Variants in ITGB3 observed in about 807,000 individuals in gnomAD.
ITGB3 encodes the protein integrin subunit beta 3, also known as integrin beta-3.
In ITGB3, 48 loss-of-function variants were observed where a neutral mutation model predicts 85.8. The ratio of observed to expected loss-of-function variants is 0.56; its 90% CI spans 0.44 to 0.71. The LOEUF is 0.71. ITGB3 is among the 30% of genes least tolerant of loss of function. ITGB3 has a pLI of 0.00. For synonymous variants in ITGB3, 363 were observed against 395.6 expected, an observed-to-expected ratio of 0.92 and a Z score of 0.98; for missense variants, 861 against 1,019.1, an observed-to-expected ratio of 0.84 and a Z score of 2.11.
At chr17:47,268,289 A>G (rs2065032690) in intron 1 of ITGB3, among the ~76,000 whole-genome samples, 1 of 152,202 alleles carries the variant, frequency 6.6e-6, no homozygotes, top group South Asian at 2.1e-4. Context: ...TCACATTTCA[A>G]AACACAATCA....
rs115036671 is a variant in ITGB3 at position 47,254,718 on chromosome 17, C to T, written c.79+778C>T. 8.7e-3 allele frequency among the ~76,000 whole-genome samples: 1,323 copies of T among 152,270 alleles called. 16 individuals are homozygous for T. The highest frequency in any genetic ancestry group is 0.03 in the African/African-American group (1,247 of 41,562). On this transcript the variant is annotated intron_variant, in intron 1 of 14. Transcript: ENST00000559488. ...CACCGTCAGCCGTCAGGGCAATTGG[C>T]ATTCGGCCTCTTTGGTACTGGGGAC...
intron 3 of ITGB3, 61 bp downstream of exon 3, chr17:47,283,610 G>A (rs1052041722): frequency 6.7e-7 from 1 of 1,496,254 alleles, no homozygotes; most frequent in Non-Finnish European, 9.3e-7. Flanking sequence ...GCACAAGGTG[G>A]AGGTCTGAGG....
chr17:47,272,662 A>ATCTTTCT (rs1406132584), intron 1 of ITGB3, among the ~76,000 whole-genome samples: 287 of 116,810 alleles, frequency 2.5e-3, no homozygotes, highest in Middle Eastern at 9.3e-3. Flanking sequence ...AATTTTATGT[A>ATCTTTCT]ATCTTTCTTT....
Position 47,287,210 on chromosome 17 carries a change from T to A in ITGB3, c.918T>A (p.His306Gln). 1 of 1,613,966 alleles carries A rather than the reference T, an allele frequency of 6.2e-7. No homozygotes were observed. The highest frequency in any genetic ancestry group is 8.5e-7 in the Non-Finnish European group (1 of 1,179,866). Residue 306 changes from histidine to glutamine, a missense_variant, in exon 6 of 15, where the codon CAT (histidine) becomes CAA (glutamine). Coordinates refer to ENST00000559488, the MANE Select transcript of ITGB3 (RefSeq NM_000212.3). ...DGQCHVGSDN[H>Q]YSASTTMDYP... The stretch of plus-strand genomic sequence containing the variant: ...AGTGTCATGTTGGTAGTGACAATCA[T>A]TACTCTGCCTCCACTACCATGGTGA...
chr17:47,304,445 A>G (rs1281197059), intron 13 of ITGB3, among the ~76,000 whole-genome samples: 1 of 152,256 alleles, frequency 6.6e-6, no homozygotes, highest in African/African-American at 2.4e-5. Flanking sequence ...ACCACATGGA[A>G]TGGGCTCTTG....
In ITGB3 at chr17:47,300,601, T is replaced by C. The variant is rs1455011437; in HGVS notation, c.2014+23T>C. The stretch of plus-strand genomic sequence containing the variant: ...TTAGTAAGTTCAGCACATCTTAGAG[T>C]TGCACACACCCAGGTTCTAAATGTT... On this transcript the variant is annotated intron_variant, in intron 12 of 14. Transcript: ENST00000559488. 3 of 1,543,450 alleles carry C rather than the reference T, an allele frequency of 1.9e-6. No individual in the cohort carries two copies. The East Asian group carries it at 6.7e-5, about 35-fold the overall frequency.
At chr17:47,302,663 T>A (rs145843716) in intron 12 of ITGB3, 58 bp from the exon 13 acceptor site, 2 of 1,605,644 alleles carry the variant, frequency 1.2e-6, no homozygotes, top group African/African-American at 2.7e-5. Context: ...GGGTTTGGAG[T>A]GGTCCCATCT....
intron 4 of ITGB3, among the ~76,000 whole-genome samples, chr17:47,285,923 T>C (rs1284363746): frequency 4.6e-5 from 7 of 152,214 alleles, no homozygotes; most frequent in Non-Finnish European, 8.8e-5. Context: ...ACAACTCTTA[T>C]GGGATATGTG....
intron 1 of ITGB3, among the ~76,000 whole-genome samples, chr17:47,267,049 C>A (rs944525458): frequency 4.6e-5 from 7 of 152,150 alleles, no homozygotes; most frequent in Non-Finnish European, 1.0e-4. Flanking sequence ...AAAGTATTCA[C>A]CTGCCCTAAA....
intron 1 of ITGB3, among the ~76,000 whole-genome samples, chr17:47,272,162 TCTC>T (rs781384994): frequency 6.7e-6 from 1 of 149,180 alleles, no homozygotes; most frequent in Non-Finnish European, 1.5e-5. Flanking sequence ...TTCATGCCAT[TCTC>T]CTGCCTCAGC....
intron 1 of ITGB3, among the ~76,000 whole-genome samples, chr17:47,272,961 G>A (rs1478901175): frequency 6.6e-6 from 1 of 152,026 alleles, no homozygotes; most frequent in East Asian, 1.9e-4. Context: ...TTTTAGCAGA[G>A]ATGGAGTTTC....
intron 13 of ITGB3, among the ~76,000 whole-genome samples, chr17:47,305,911 A>T (rs993600861): frequency 6.6e-6 from 1 of 152,330 alleles, no homozygotes; most frequent in East Asian, 1.9e-4. Flanking sequence ...TGAGTTTTTA[A>T]GATATATTTA....
In ITGB3 at chr17:47,287,122, A is replaced by T. The variant is rs1299915744; in HGVS notation, c.830A>T (p.Asp277Val). ...DASHLLVFTT[D>V]AKTHIALDGR... ...TCCCACTTGCTGGTGTTTACCACTG[A>T]TGCCAAGACTCATATAGCATTGGAC... Residue 277 changes from aspartate to valine, a missense_variant, in exon 6 of 15, where the codon GAT becomes GTT. Coordinates refer to ENST00000559488, the MANE Select transcript of ITGB3 (RefSeq NM_000212.3). 2.5e-6 allele frequency: 4 copies of T among 1,613,940 alleles called. No individual in the cohort carries two copies. The African/African-American group carries it at 5.3e-5, about 22-fold the overall frequency.
rs1420618876 is a variant in ITGB3, at chr17:47,312,410, G to C, written c.*2206G>C. On this transcript the variant is annotated 3_prime_UTR_variant, in exon 15 of 15. Coordinates refer to ENST00000559488, the MANE Select transcript of ITGB3 (RefSeq NM_000212.3). ...TATGGTAGAGGGATAAATAGGGGGC[G>C]GGGAGGGATAGTCATGGATCCAAGA... 6.6e-6 allele frequency among the ~76,000 whole-genome samples: 1 copy of C among 152,180 alleles called. No homozygotes were observed. Among genetic ancestry groups the C allele is most frequent in the African/African-American group, 2.4e-5 (1 of 41,438 alleles).
At chr17:47,301,134 A>G (rs2065165858) in intron 12 of ITGB3, among the ~76,000 whole-genome samples, 1 of 152,082 alleles carries the variant, frequency 6.6e-6, no homozygotes, top group African/African-American at 2.4e-5. Flanking sequence ...ACAGAAATAC[A>G]AACAATAGGG....
chr17:47,301,972 T>C (rs1311121393), intron 12 of ITGB3, among the ~76,000 whole-genome samples: 1 of 152,210 alleles, frequency 6.6e-6, no homozygotes, highest in African/African-American at 2.4e-5. Flanking sequence ...ACTCCTGTTC[T>C]TGTTCTGCTT....
At chr17:47,295,678 A>C (rs1486787006) in intron 10 of ITGB3, among the ~76,000 whole-genome samples, 2 of 150,182 alleles carry the variant, frequency 1.3e-5, no homozygotes, top group African/African-American at 4.9e-5. Flanking sequence ...GTTTCTGAGG[A>C]GGCGGAGGCC....
At chr17:47,282,797 A>C (rs372473620) in intron 2 of ITGB3, among the ~76,000 whole-genome samples, 13 of 152,350 alleles carry the variant, frequency 8.5e-5, no homozygotes, top group African/African-American at 2.6e-4. Context: ...TATTTATTAT[A>C]TGTGTTATTC....
chr17:47,310,875 C>T lies in ITGB3; in HGVS notation c.*671C>T, dbSNP rs16941864. ...AAGTCCTTGCAAGCTAATTCTTTGA[C>T]CTGTTGGGAGTGAGGATGTCTGGGC... On this transcript the variant is annotated 3_prime_UTR_variant, in exon 15 of 15. Transcript: ENST00000559488. The T allele has an allele frequency of 0.042, 6,775 of 161,890 alleles. 200 individuals carry two copies. The highest frequency in any genetic ancestry group is 0.15 in the Middle Eastern group (46 of 308). 10.0% of individuals were successfully genotyped at this position (161,890 alleles called of 1,614,324 possible). A position where few individuals can be genotyped will look rare whatever the true frequency, so the allele number is the denominator to read the frequency against.
Sources: allele counts gnomAD v4.1 joint callset (sites outside exome capture counted in the v4.1 genomes callset), GRCh38; gene constraint gnomAD v4.1.1; transcripts MANE v1.5; gene names NCBI Gene and HGNC (gene_info 2026-07-23, HGNC 2026-07-21).